The following MAP2 variants were observed in gnomAD, a reference collection of about 807,000 sequenced individuals.
The protein encoded by MAP2 is microtubule-associated protein 2.
A neutral mutation model predicts 137.6 loss-of-function variants in MAP2; 14 were observed. The observed-to-expected ratio is 0.10, with a 90% CI of 0.07 to 0.16. The LOEUF (loss-of-function observed/expected upper bound fraction) is 0.16, where lower values mean the gene tolerates loss of function less well. Ranked by LOEUF, MAP2 falls within the 10% of genes least tolerant of loss-of-function variation. The pLI, the probability that MAP2 is intolerant of heterozygous loss-of-function variation, is 1.00. For synonymous variants in MAP2, 786 were observed against 782.3 expected (o/e 1.00, Z -0.08); for missense variants, 2,088 against 2,191.5 (o/e 0.95, Z 0.94).
rs770296783 is a variant in MAP2 at position 209,693,395 on chromosome 2, G to C, written c.1225G>C (p.Glu409Gln). The C allele has an allele frequency of 1.8e-5, 29 of 1,612,228 alleles. No individual in the cohort carries two copies. The highest frequency in any genetic ancestry group is 2.3e-5 in the Non-Finnish European group (27 of 1,179,638). ...VEEHVMGKVL[E>Q]EEKEAINQET... ...AGAACATGTTATGGGGAAAGTTTTA[G>C]AGGAAGAAAAGGAGGCCATAAATCA... is the stretch of plus-strand genomic sequence containing the variant. The change falls in exon 8 of 16, where the codon GAG (glutamate) becomes CAG (glutamine). Residue 409 changes from glutamate (E) to glutamine (Q), a missense_variant. Glu to Gln is a conservative substitution (Grantham distance 29). Coordinates refer to ENST00000682079, the MANE Select transcript of MAP2 (RefSeq NM_001375505.1).
Position 209,694,286 on chromosome 2 carries a change from A to G in MAP2, c.2116A>G (p.Met706Val), listed in dbSNP as rs1290220394. The G allele has an allele frequency of 6.2e-7, 1 of 1,614,032 alleles. No homozygotes were observed. The highest frequency in any genetic ancestry group is 8.5e-7 in the Non-Finnish European group (1 of 1,180,038). ...AAGAAGCATGTCAATCAATTTGCCG[A>G]TGTCTTGCCTAGATTCCATAGCCCT... ...EQRSMSINLP[M>V]SCLDSIALGF... Residue 706 changes from methionine to valine, a missense_variant, in exon 8 of 16, where the codon ATG (methionine) becomes GTG (valine). This residue lies in a region of MAP2 where 18 missense variants were observed against 41.6 expected (regional missense o/e 0.43). Coordinates refer to ENST00000682079, the MANE Select transcript of MAP2 (RefSeq NM_001375505.1).
chr2:209,444,445 C>T (rs919001735), intron 1 of MAP2, among the ~76,000 whole-genome samples: 3 of 151,374 alleles, frequency 2.0e-5, no homozygotes, highest in Non-Finnish European at 4.4e-5. Context: ...GTGAGACTGT[C>T]GGCTGAAATA....
intron 3 of MAP2, among the ~76,000 whole-genome samples, chr2:209,593,739 CATT>C (rs1455366830): frequency 1.0e-3 from 2 of 1,942 alleles, no homozygotes; most frequent in Non-Finnish European, 2.2e-3. Flanking sequence ...TAATATAATA[CATT>C]ATATTATATT....
At chr2:209,540,733 G>A (rs1451706615) in intron 2 of MAP2, among the ~76,000 whole-genome samples, 2 of 146,520 alleles carry the variant, frequency 1.4e-5, no homozygotes, top group African/African-American at 5.2e-5. Context: ...ATATAGGGTT[G>A]TTAAGTAATA....
chr2:209,673,401 A>G (rs937009471), intron 5 of MAP2, among the ~76,000 whole-genome samples: 5 of 151,936 alleles, frequency 3.3e-5, no homozygotes, highest in African/African-American at 1.2e-4. Context: ...TCAAATACCA[A>G]TGTAAGGGTC....
chr2:209,539,346 A>T (rs780758374), intron 2 of MAP2, among the ~76,000 whole-genome samples: 2 of 152,184 alleles, frequency 1.3e-5, no homozygotes, highest in South Asian at 4.1e-4. Context: ...TTAATTATAT[A>T]TTTACCTCTG....
chr2:209,669,287 T>C (rs977754254), intron 5 of MAP2, among the ~76,000 whole-genome samples: 1 of 152,058 alleles, frequency 6.6e-6, no homozygotes, highest in African/African-American at 2.4e-5. Flanking sequence ...CATGTGAACA[T>C]TGAGTGTACC....
rs1227871591 is a variant in MAP2, at chr2:209,424,197, C to A, written c.-301C>A. 6.6e-6 allele frequency: 1 copy of A among 152,444 alleles called. No individual in the cohort carries two copies. The highest frequency in any genetic ancestry group is 2.4e-5 in the African/African-American group (1 of 41,406). 9.4% of individuals were successfully genotyped at this position (152,444 alleles called of 1,614,324 possible). Reference sequence around the variant, plus strand: ...CCTTCTTCCCCTAACCCTTCTACCCCTCTCCTTTTTCTCCGGAGGGCGCTA... The same window carrying A: ...CCTTCTTCCCCTAACCCTTCTACCCATCTCCTTTTTCTCCGGAGGGCGCTA... On this transcript the variant is annotated 5_prime_UTR_variant, in exon 1 of 16. Transcript: ENST00000682079.
At chr2:209,723,723 T>G in intron 13 of MAP2, 1 of 1,454,060 alleles carries the variant, frequency 6.9e-7, no homozygotes. Context: ...CTGTCCTGAT[T>G]GCGTGGAGCC....
intron 4 of MAP2, among the ~76,000 whole-genome samples, chr2:209,641,381 C>T (rs1351185839): frequency 1.3e-5 from 2 of 151,730 alleles, no homozygotes; most frequent in African/African-American, 2.4e-5. Flanking sequence ...GCTTTTTATC[C>T]TGATATTTAA....
chr2:209,467,196 C>A (rs964595198), intron 1 of MAP2, among the ~76,000 whole-genome samples: 1 of 152,122 alleles, frequency 6.6e-6, no homozygotes, highest in Non-Finnish European at 1.5e-5. Flanking sequence ...TTATTTCCAC[C>A]TCACTTATTC....
At chr2:209,541,689 C>T (rs79647517) in intron 2 of MAP2, among the ~76,000 whole-genome samples, 4,098 of 152,238 alleles carry the variant, frequency 0.027, 188 homozygotes, top group African/African-American at 0.094. Context: ...GATTTTATCT[C>T]AAGAGACCAC....
At chr2:209,675,719 G>A (rs2051076284) in intron 5 of MAP2, among the ~76,000 whole-genome samples, 1 of 151,690 alleles carries the variant, frequency 6.6e-6, no homozygotes, top group South Asian at 2.1e-4. Context: ...CTGAAATAAT[G>A]TAGAGTTGCT....
Position 209,699,613 on chromosome 2 carries a change from G to T in MAP2, c.4523-664G>T, listed in dbSNP as rs181814131. 5.2e-3 allele frequency among the ~76,000 whole-genome samples: 793 copies of T among 152,248 alleles called. 10 individuals carry two copies. Among genetic ancestry groups the T allele is most frequent in the Non-Finnish European group, 8.9e-3 (605 of 68,000 alleles). ...ACAGATGTGGTAATAATTTCATACAGGAAGTGCATGTGTAGAACATGTTCT... is the reference window on the plus strand; with the variant it reads ...ACAGATGTGGTAATAATTTCATACATGAAGTGCATGTGTAGAACATGTTCT... On this transcript the variant is annotated intron_variant, in intron 10 of 15. Transcript: ENST00000682079.
chr2:209,538,681 A>G (rs887470877), intron 2 of MAP2, among the ~76,000 whole-genome samples: 3 of 152,068 alleles, frequency 2.0e-5, no homozygotes, highest in Admixed American at 6.6e-5. Context: ...TCAAACTTCC[A>G]TATTATCCCC....
intron 7 of MAP2, among the ~76,000 whole-genome samples, chr2:209,691,277 T>G (rs1176488034): frequency 6.6e-6 from 1 of 152,102 alleles, no homozygotes; most frequent in Non-Finnish European, 1.5e-5. Flanking sequence ...GCTTAAATGG[T>G]GGAATCGTTT....
intron 10 of MAP2, among the ~76,000 whole-genome samples, chr2:209,697,594 A>G (rs1378663542): frequency 6.6e-6 from 1 of 152,146 alleles, no homozygotes; most frequent in African/African-American, 2.4e-5. Context: ...TTGCTGAAAA[A>G]AAGAAGATAG....
At chr2:209,665,080 G>A (rs16843421) in intron 5 of MAP2, among the ~76,000 whole-genome samples, 15,601 of 151,762 alleles carry the variant, frequency 0.1, 954 homozygotes, top group East Asian at 0.22. Flanking sequence ...TAAAAGTGTC[G>A]GTTAGAACAG....
At chr2:209,504,140 G>C (rs1333984144) in intron 1 of MAP2, among the ~76,000 whole-genome samples, 2 of 151,656 alleles carry the variant, frequency 1.3e-5, no homozygotes, top group Admixed American at 6.6e-5. Flanking sequence ...GATTTTTCTT[G>C]GAGATGGGGC....
Sources: allele counts gnomAD v4.1 joint callset (sites outside exome capture counted in the v4.1 genomes callset), GRCh38; gene constraint gnomAD v4.1.1; regional missense constraint gnomAD v4.1.1; transcripts MANE v1.5; gene names NCBI Gene and HGNC (gene_info 2026-07-23, HGNC 2026-07-21).